Variants in SULF2 observed in about 807,000 individuals in gnomAD.
The protein encoded by SULF2 is extracellular sulfatase Sulf-2.
In SULF2, 52 loss-of-function variants were observed where a neutral mutation model predicts 107.7. That is an observed-to-expected ratio of 0.48 (90% CI 0.39 to 0.61). SULF2 has a LOEUF of 0.61. Among genes scored for constraint, SULF2 ranks in the 20% least tolerant of loss-of-function variants. The probability of loss-of-function intolerance (pLI) is 0.00; values close to 1 mark genes in which losing one functional copy is unlikely to be tolerated. For missense variants in SULF2, 993 were observed against 1,177.3 expected, an observed-to-expected ratio of 0.84 and a Z score of 2.29; for synonymous variants, 460 against 464.3, an observed-to-expected ratio of 0.99 and a Z score of 0.12.
At chr20:47,663,305 GT>G (rs2087148322) in intron 16 of SULF2, 93 bp from the exon 17 acceptor site, 1 of 1,587,356 alleles carries the variant, frequency 6.3e-7, no homozygotes. Flanking sequence ...CCTAAAACCA[GT>G]TCGTCAAATG....
At chr20:47,674,464 G>A (rs1192044325) in intron 10 of SULF2, among the ~76,000 whole-genome samples, 1 of 152,244 alleles carries the variant, frequency 6.6e-6, no homozygotes, top group South Asian at 2.1e-4. Flanking sequence ...TAGGGTGGCT[G>A]GAGGTAGAGC....
intron 20 of SULF2, among the ~76,000 whole-genome samples, chr20:47,658,882 G>A (rs1240208481): frequency 6.6e-6 from 1 of 152,212 alleles, no homozygotes; most frequent in African/African-American, 2.4e-5. Flanking sequence ...AGACGAATGA[G>A]AAAATCTGGC....
intron 14 of SULF2, 131 bp downstream of exon 14, chr20:47,665,068 T>A (rs2087215563): frequency 1.4e-6 from 1 of 723,972 alleles, no homozygotes; most frequent in Non-Finnish European, 2.5e-6. Context: ...ATTACGGATT[T>A]TTTTAATGCC....
intron 1 of SULF2, among the ~76,000 whole-genome samples, chr20:47,767,540 G>T (rs1296275797): frequency 6.6e-6 from 1 of 152,174 alleles, no homozygotes; most frequent in Non-Finnish European, 1.5e-5. Context: ...CAGCACTTTG[G>T]GAGGCTGCGG....
chr20:47,720,547 TC>T (rs1469140449), intron 3 of SULF2, among the ~76,000 whole-genome samples: 2 of 114,152 alleles, frequency 1.8e-5, no homozygotes, highest in Admixed American at 1.7e-4. Context: ...CCTATCATAA[TC>T]TTTTTTTTTT....
chr20:47,687,462 G>C (rs1195487330), intron 5 of SULF2, among the ~76,000 whole-genome samples: 1 of 152,214 alleles, frequency 6.6e-6, no homozygotes, highest in Non-Finnish European at 1.5e-5. Flanking sequence ...GAAATGGCGG[G>C]AAGATGGTGG....
At chr20:47,783,477 T>G (rs765368313) in intron 1 of SULF2, among the ~76,000 whole-genome samples, 8 of 152,214 alleles carry the variant, frequency 5.3e-5, no homozygotes, top group Non-Finnish European at 1.0e-4. Context: ...AACTGGGTTC[T>G]TTGGACAGCA....
At chr20:47,772,172 A>G (rs149420401) in intron 1 of SULF2, among the ~76,000 whole-genome samples, 93 of 152,386 alleles carry the variant, frequency 6.1e-4, no homozygotes, top group African/African-American at 2.1e-3. Flanking sequence ...ATTTAGAAAG[A>G]AAAGTCTATC....
rs751549322 is a variant in SULF2, at chr20:47,736,665, G to T, written c.415+38C>A. 8 of 1,612,006 alleles carry T rather than the reference G, an allele frequency of 5.0e-6. No homozygotes were observed. In the South Asian group the frequency reaches 7.7e-5, roughly 16 times the overall value. ...ACACCTAGGGACGCCCGCCCTGGCT[G>T]TCACTCCCTTCCTGCACCTGCCCCC... is the stretch of plus-strand genomic sequence containing the variant. On this transcript the variant is annotated intron_variant, in intron 3 of 20. Coordinates refer to ENST00000688720, the MANE Select transcript of SULF2 (RefSeq NM_001387048.1).
intron 2 of SULF2, among the ~76,000 whole-genome samples, chr20:47,752,546 C>T (rs1417691957): frequency 7.1e-6 from 1 of 140,232 alleles, no homozygotes; most frequent in Non-Finnish European, 1.5e-5. Flanking sequence ...GCCTGAGCAA[C>T]ATGGCAAAAG....
At chr20:47,731,195 T>TTTTTTTTTTTTATTTTTTTA (rs1568871883) in intron 3 of SULF2, among the ~76,000 whole-genome samples, 13 of 103,170 alleles carry the variant, frequency 1.3e-4, no homozygotes, top group African/African-American at 4.8e-4. Context: ...CTCTTTTTTT[T>TTTTTTTTTTTTATTTTTTTA]TTTTTTTTTT....
rs756585002 is a variant in SULF2 at position 47,757,315 on chromosome 20, A to G, written c.49T>C (p.Ser17Pro). The G allele has an allele frequency of 1.2e-6, 2 of 1,602,376 alleles. No homozygotes were observed. Among genetic ancestry groups the G allele is most frequent in the African/African-American group, 1.3e-5 (1 of 74,882 alleles). ...AAGGCCGAGCTTCCACCCAGCAGGG[A>G]GAACACAGTTGCGGACAGCAAGCAC... Reference protein sequence around the residue: ...VLCLLSATVFSLLGGSSAFLS... With the variant: ...VLCLLSATVFPLLGGSSAFLS... Residue 17 changes from serine to proline, a missense_variant, in exon 2 of 21, where the codon TCC (serine) becomes CCC (proline). Around this residue, in one of 3 missense-constraint regions of SULF2, gnomAD observed 388 missense variants for 449.2 expected, o/e 0.86. Transcript: ENST00000688720.
In SULF2 at chr20:47,684,446, G is replaced by T; in HGVS notation, c.873C>A (p.Asp291Glu). The T allele has an allele frequency of 6.2e-7, 1 of 1,611,786 alleles. No individual in the cohort carries two copies. Among genetic ancestry groups the T allele is most frequent in the Non-Finnish European group, 8.5e-7 (1 of 1,178,984 alleles). Residue 291 changes from aspartate (D) to glutamate (E), a missense_variant, in exon 6 of 21, where the codon GAC (aspartate) becomes GAA (glutamate). By Grantham distance (45) the Asp-to-Glu change is conservative. Transcript: ENST00000688720. Reference sequence around the variant, plus strand: ...GGGCGCCTACCGTCTCCATGGAGTCGTCCACCGACATGAGGGTCTGCAAGC... The same window carrying T: ...GGGCGCCTACCGTCTCCATGGAGTCTTCCACCGACATGAGGGTCTGCAAGC... ...RKRLQTLMSV[D>E]DSMETIYNML...
chr20:47,714,038 A>G (rs970769607), intron 3 of SULF2, among the ~76,000 whole-genome samples: 1 of 152,196 alleles, frequency 6.6e-6, no homozygotes, highest in African/African-American at 2.4e-5. Flanking sequence ...AGCCGAGCCA[A>G]TGACAATAAA....
chr20:47,720,049 C>T (rs931982255), intron 3 of SULF2, among the ~76,000 whole-genome samples: 4 of 152,166 alleles, frequency 2.6e-5, no homozygotes, highest in African/African-American at 4.8e-5. Context: ...CCCAGGTTCA[C>T]GCCATTCTCC....
intron 1 of SULF2, among the ~76,000 whole-genome samples, chr20:47,765,260 CAGG>C (rs2090503951): frequency 6.6e-6 from 1 of 151,320 alleles, no homozygotes; most frequent in African/African-American, 2.4e-5. Context: ...GAGGCTGAGG[CAGG>C]AGAATAGCGT....
At chr20:47,660,442 TTCC>T (rs1198112080) in intron 18 of SULF2, among the ~76,000 whole-genome samples, 5 of 152,140 alleles carry the variant, frequency 3.3e-5, no homozygotes, top group Admixed American at 2.6e-4. Flanking sequence ...AGCGTCTGAA[TTCC>T]TCCTAAGCTG....
chr20:47,668,380 A>C (rs2087347384), intron 11 of SULF2, among the ~76,000 whole-genome samples: 1 of 152,226 alleles, frequency 6.6e-6, no homozygotes, highest in East Asian at 1.9e-4. Context: ...GGCTCTTCAC[A>C]GAAGCGGTAT....
intron 3 of SULF2, among the ~76,000 whole-genome samples, chr20:47,715,510 G>T (rs1198349132): frequency 2.0e-5 from 3 of 152,042 alleles, no homozygotes; most frequent in African/African-American, 7.2e-5. Context: ...GAATAAATGG[G>T]TAAACAACTG....
Sources: gnomAD v4.1 joint callset for allele counts (sites outside exome capture counted in the v4.1 genomes callset) on GRCh38, gnomAD v4.1.1 for gene constraint, gnomAD v4.1.1 regional missense constraint, MANE v1.5 for transcripts, NCBI Gene and HGNC (gene_info 2026-07-23, HGNC 2026-07-21) for gene names.